CERT1: variants seen among roughly 807,000 people sequenced by gnomAD.
CERT1 encodes ceramide transporter 1.
In CERT1, 31 loss-of-function variants were observed where a neutral mutation model predicts 87.9. The observed-to-expected ratio is 0.35, with a 90% CI of 0.27 to 0.48. CERT1 has a LOEUF of 0.48. CERT1 is among the 20% of genes least tolerant of loss of function. CERT1 has a pLI of 0.99. For missense variants in CERT1, 487 were observed against 758.0 expected, an observed-to-expected ratio of 0.64 and a Z score of 4.20; for synonymous variants, 289 against 250.9, an observed-to-expected ratio of 1.15 and a Z score of -1.44.
At chr5:75,376,314 C>G (rs1761313587), downstream of CERT1, 1 of 152,156 alleles carries the variant, frequency 6.6e-6, no homozygotes, top group African/African-American at 2.4e-5. Flanking sequence ...GGTTGAATAT[C>G]TGAGAACCTT....
intron 2 of CERT1, among the ~76,000 whole-genome samples, chr5:75,498,028 T>G (rs969603833): frequency 6.6e-6 from 1 of 152,222 alleles, no homozygotes; most frequent in South Asian, 2.1e-4. Context: ...CAGATGGAGA[T>G]GCAGAACTTG....
At chr5:75,413,689 G>A (rs200176449) in intron 7 of CERT1, among the ~76,000 whole-genome samples, 9 of 149,746 alleles carry the variant, frequency 6.0e-5, no homozygotes, top group African/African-American at 1.7e-4. Flanking sequence ...ACACACAGAC[G>A]CACACACACA....
intron 2 of CERT1, among the ~76,000 whole-genome samples, chr5:75,484,949 G>C (rs1239894814): frequency 6.6e-6 from 1 of 152,002 alleles, no homozygotes; most frequent in Non-Finnish European, 1.5e-5. Flanking sequence ...CACTCTCAAG[G>C]CCAGACCATA....
At chr5:75,428,206 A>G (rs1463379717) in intron 3 of CERT1, among the ~76,000 whole-genome samples, 1 of 152,142 alleles carries the variant, frequency 6.6e-6, no homozygotes, top group African/African-American at 2.4e-5. Flanking sequence ...TATGTAAATG[A>G]TATTAGCACT....
chr5:75,472,849 T>C lies in CERT1; in HGVS notation c.232-13668A>G, dbSNP rs200363648. Among the ~76,000 whole-genome samples the C allele has an allele frequency of 2.8e-4, 43 of 152,258 alleles. No individual in the cohort carries two copies. The East Asian group carries it at 6.9e-3, about 25-fold the overall frequency. On this transcript the variant is annotated intron_variant, in intron 2 of 16. Coordinates refer to ENST00000643780, the MANE Select transcript of CERT1 (RefSeq NM_001379029.1). ...AGTAGAGCCACTAAAGAAAACACCA[T>C]GGAGGTTCCTCGAAAAATTAAAAAA...
At chr5:75,471,487 G>A (rs113634793) in intron 2 of CERT1, among the ~76,000 whole-genome samples, 4,004 of 152,146 alleles carry the variant, frequency 0.026, 151 homozygotes, top group African/African-American at 0.086. Flanking sequence ...CTGGGCAGAC[G>A]TGGTGGCTCA....
intron 2 of CERT1, among the ~76,000 whole-genome samples, chr5:75,459,517 G>A (rs2112312269): frequency 6.6e-6 from 1 of 152,246 alleles, no homozygotes; most frequent in South Asian, 2.1e-4. Context: ...TTTGAGGTGA[G>A]GGTCTTGCTC....
chr5:75,395,815 A>G (rs1306056851), intron 11 of CERT1, among the ~76,000 whole-genome samples: 1 of 152,170 alleles, frequency 6.6e-6, no homozygotes, highest in Admixed American at 6.5e-5. Flanking sequence ...GTGCCACTGC[A>G]CTACAGCCTG....
intron 6 of CERT1, among the ~76,000 whole-genome samples, chr5:75,418,024 C>T (rs1002418633): frequency 4.6e-5 from 7 of 152,144 alleles, no homozygotes; most frequent in Non-Finnish European, 7.4e-5. Context: ...GGTGTGGTGG[C>T]GCATGCCTGT....
rs139390177 is a variant in CERT1 at position 75,495,179 on chromosome 5, G to A, written c.231+10803C>T. 1.3e-3 allele frequency among the ~76,000 whole-genome samples: 193 copies of A among 152,244 alleles called. 1 individual carries two copies. Among genetic ancestry groups the A allele is most frequent in the African/African-American group, 4.5e-3 (185 of 41,530 alleles). On this transcript the variant is annotated intron_variant, in intron 2 of 16. Transcript: ENST00000643780. Reference sequence around the variant, plus strand: ...GAGGGAAAGTATATTTTTAAAATACGTAATTGTTGGATAATATATATTCTC... The same window carrying A: ...GAGGGAAAGTATATTTTTAAAATACATAATTGTTGGATAATATATATTCTC...
At chr5:75,467,547 CAGAG>C (rs1765511166) in intron 2 of CERT1, among the ~76,000 whole-genome samples, 3 of 149,664 alleles carry the variant, frequency 2.0e-5, no homozygotes, top group Non-Finnish European at 4.4e-5. Context: ...AGGCTGAGTC[CAGAG>C]GATCGCTTGA....
At chr5:75,452,469 C>T (rs1450390838) in intron 3 of CERT1, among the ~76,000 whole-genome samples, 2 of 152,062 alleles carry the variant, frequency 1.3e-5, no homozygotes, top group Non-Finnish European at 2.9e-5. Flanking sequence ...GGAAAGCCTT[C>T]GTGCTAGTTT....
Position 75,379,363 on chromosome 5 carries a change from T to G in CERT1, c.1858A>C (p.Lys620Gln). Residue 620 changes from lysine (K) to glutamine (Q), a missense_variant, in exon 17 of 17, where the codon AAG becomes CAG. Coordinates refer to ENST00000643780, the MANE Select transcript of CERT1 (RefSeq NM_001379029.1). ...TGTTAATACTAGAACAAAATAGGCT[T>G]TCCTGCAGTTTTTTCTTGGACGTAA... The part of the protein sequence containing the change: ...TSYVQEKTAG[K>Q]PILF 1 of 1,613,486 alleles carries G rather than the reference T, an allele frequency of 6.2e-7. No homozygotes were observed. The highest frequency in any genetic ancestry group is 8.5e-7 in the Non-Finnish European group (1 of 1,179,500).
At chr5:75,444,183 G>A (rs962186575) in intron 3 of CERT1, among the ~76,000 whole-genome samples, 5 of 151,998 alleles carry the variant, frequency 3.3e-5, no homozygotes, top group African/African-American at 1.2e-4. Flanking sequence ...AGCCTCCCGA[G>A]TAGCTGGGAT....
chr5:75,418,109 T>A (rs916175313), intron 6 of CERT1, among the ~76,000 whole-genome samples: 1 of 152,126 alleles, frequency 6.6e-6, no homozygotes, highest in Non-Finnish European at 1.5e-5. Context: ...TGAGCTGAGA[T>A]CACCACACTG....
At chr5:75,441,819 C>T (rs947215322) in intron 3 of CERT1, among the ~76,000 whole-genome samples, 1 of 152,204 alleles carries the variant, frequency 6.6e-6, no homozygotes, top group African/African-American at 2.4e-5. Context: ...CATCTATGTA[C>T]ACATAGGTTG....
In CERT1 at chr5:75,432,744, T is replaced by C. The variant is rs137889523; in HGVS notation, c.349-6266A>G. Among the ~76,000 whole-genome samples, 1,105 of 152,354 alleles carry C rather than the reference T, an allele frequency of 7.3e-3. 12 individuals are homozygous for C. Among genetic ancestry groups the C allele is most frequent in the African/African-American group, 0.025 (1,023 of 41,582 alleles). ...ATTTTTGTTTTTGTTGCAATTGCTT[T>C]TGGAGACTTCTTCATGAAATCTTCA... On this transcript the variant is annotated intron_variant, in intron 3 of 16. Transcript: ENST00000643780.
intron 12 of CERT1, among the ~76,000 whole-genome samples, chr5:75,389,391 T>C (rs552286344): frequency 6.6e-6 from 1 of 152,334 alleles, no homozygotes; most frequent in East Asian, 1.9e-4. Flanking sequence ...TATATTATAA[T>C]CATAAAAACC....
chr5:75,477,408 G>GT (rs1018999760), intron 2 of CERT1, among the ~76,000 whole-genome samples: 4 of 151,574 alleles, frequency 2.6e-5, no homozygotes, highest in African/African-American at 9.7e-5. Context: ...AATTGGTTAG[G>GT]TTTTCTACTC....
Sources: gnomAD v4.1 joint callset for allele counts (sites outside exome capture counted in the v4.1 genomes callset) on GRCh38, gnomAD v4.1.1 for gene constraint, MANE v1.5 for transcripts, NCBI Gene and HGNC (gene_info 2026-07-23, HGNC 2026-07-21) for gene names.